RAI1: variants seen among roughly 807,000 people sequenced by gnomAD.
The protein encoded by RAI1 is retinoic acid induced 1.
In RAI1, 9 loss-of-function variants were observed where a neutral mutation model predicts 123.8. That is an observed-to-expected ratio of 0.07 (90% CI 0.04 to 0.13). The LOEUF is 0.13. RAI1 is among the 10% of genes least tolerant of loss of function. RAI1 has a pLI of 1.00. For missense variants in RAI1, 2,256 were observed against 2,545.8 expected (o/e 0.89, Z 2.45); for synonymous variants, 1,231 against 1,127.3 (o/e 1.09, Z -1.84).
chr17:17,757,782 GGAGA>G (rs2030504357), intron 2 of RAI1, among the ~76,000 whole-genome samples: 1 of 152,238 alleles, frequency 6.6e-6, no homozygotes, highest in South Asian at 2.1e-4. Context: ...CACGCTAAAA[GGAGA>G]AGCAGTAATC....
chr17:17,784,182 G>T (rs1180890723), intron 2 of RAI1, among the ~76,000 whole-genome samples: 2 of 152,176 alleles, frequency 1.3e-5, no homozygotes, highest in African/African-American at 2.4e-5. Context: ...CCTGGGGACT[G>T]GGGGGAGGGA....
At chr17:17,691,206 G>A (rs1194775605) in intron 1 of RAI1, among the ~76,000 whole-genome samples, 1 of 152,142 alleles carries the variant, frequency 6.6e-6, no homozygotes, top group Admixed American at 6.6e-5. Flanking sequence ...GACATTTTTG[G>A]TTGTCTCAGC....
chr17:17,780,849 C>T (rs1354362635), intron 2 of RAI1, among the ~76,000 whole-genome samples: 1 of 152,204 alleles, frequency 6.6e-6, no homozygotes, highest in Non-Finnish European at 1.5e-5. Flanking sequence ...CTAGGCTCTG[C>T]ATTTGCTTAG....
intron 2 of RAI1, among the ~76,000 whole-genome samples, chr17:17,726,269 G>A (rs930175662): frequency 6.6e-6 from 1 of 152,226 alleles, no homozygotes; most frequent in African/African-American, 2.4e-5. Flanking sequence ...AGACTCCTGA[G>A]CAAGGCTTTG....
chr17:17,761,653 G>A (rs1235587098), intron 2 of RAI1, among the ~76,000 whole-genome samples: 2 of 152,196 alleles, frequency 1.3e-5, no homozygotes, highest in Non-Finnish European at 2.9e-5. Context: ...GGAAAGGTTG[G>A]GAGGCACAAA....
At chr17:17,790,954 G>C (rs753132839) in intron 2 of RAI1, among the ~76,000 whole-genome samples, 1 of 152,232 alleles carries the variant, frequency 6.6e-6, no homozygotes, top group Non-Finnish European at 1.5e-5. Context: ...GGGTTGGCGC[G>C]TCGCAGCAGG....
chr17:17,790,615 T>C (rs943052207), intron 2 of RAI1, among the ~76,000 whole-genome samples: 7 of 151,594 alleles, frequency 4.6e-5, no homozygotes, highest in African/African-American at 1.7e-4. Context: ...TTTTGGAGAA[T>C]GTGAAAAAAA....
intron 2 of RAI1, among the ~76,000 whole-genome samples, chr17:17,761,485 G>C (rs958701186): frequency 2.6e-5 from 4 of 152,216 alleles, no homozygotes; most frequent in Non-Finnish European, 5.9e-5. Context: ...TGTGGATCCT[G>C]ACCTGTGGAG....
intron 2 of RAI1, among the ~76,000 whole-genome samples, chr17:17,739,803 G>C (rs1328971840): frequency 6.6e-6 from 1 of 152,234 alleles, no homozygotes; most frequent in Non-Finnish European, 1.5e-5. Flanking sequence ...GGAGCAGTGG[G>C]AACTACCCGG....
At chr17:17,730,534 G>A (rs1916236309) in intron 2 of RAI1, among the ~76,000 whole-genome samples, 1 of 152,232 alleles carries the variant, frequency 6.6e-6, no homozygotes, top group Admixed American at 6.5e-5. Flanking sequence ...ACACTTCCTG[G>A]TCTGTATATG....
At chr17:17,696,654 C>A (rs537574396) in intron 1 of RAI1, among the ~76,000 whole-genome samples, 2 of 152,346 alleles carry the variant, frequency 1.3e-5, no homozygotes, top group South Asian at 4.1e-4. Context: ...AGCCCTTCTC[C>A]ATTGCCAGTA....
chr17:17,783,796 G>C (rs1156456442), intron 2 of RAI1, among the ~76,000 whole-genome samples: 1 of 151,998 alleles, frequency 6.6e-6, no homozygotes, highest in East Asian at 1.9e-4. Flanking sequence ...GGGGCGGAAA[G>C]GGTTAATGGC....
intron 2 of RAI1, among the ~76,000 whole-genome samples, chr17:17,773,059 G>T (rs2031216677): frequency 7.3e-6 from 1 of 136,568 alleles, no homozygotes; most frequent in African/African-American, 2.8e-5. Context: ...ATAGACTGAT[G>T]GGTGGGTGGG....
intron 4 of RAI1, among the ~76,000 whole-genome samples, chr17:17,808,985 G>T (rs1029465462): frequency 6.6e-6 from 1 of 152,152 alleles, no homozygotes; most frequent in African/African-American, 2.4e-5. Context: ...GGTGCCCTCT[G>T]GGAGCTTGCC....
In RAI1 at chr17:17,795,710, C is replaced by T; in HGVS notation, c.2762C>T (p.Ser921Leu). 1.2e-6 allele frequency: 2 copies of T among 1,613,342 alleles called. No individual in the cohort carries two copies. The highest frequency in any genetic ancestry group is 1.7e-6 in the Non-Finnish European group (2 of 1,180,014). ...GGCTGGGGCTCTCCGTGCCACCTCT[C>T]AGGGGAGTCCGTCATCCTGCTGGGC... is the stretch of plus-strand genomic sequence containing the variant. ...KAGWGSPCHL[S>L]GESVILLGPT... Residue 921 changes from serine (S) to leucine (L), a missense_variant, in exon 3 of 6, where the codon TCA becomes TTA. This residue lies in a region of RAI1 where 566 missense variants were observed against 616.0 expected (regional missense o/e 0.92). Transcript: ENST00000353383. The surrounding 1 kb of genome is among the most constrained non-coding windows in gnomAD (Gnocchi z 5.9).
intron 2 of RAI1, among the ~76,000 whole-genome samples, chr17:17,730,929 C>T (rs1028689788): frequency 2.0e-5 from 3 of 152,234 alleles, no homozygotes; most frequent in Non-Finnish European, 4.4e-5. Context: ...CGGGCCCACT[C>T]GCAGCCTGGG....
intron 2 of RAI1, among the ~76,000 whole-genome samples, chr17:17,785,987 T>A (rs570413531): frequency 1.3e-5 from 2 of 152,368 alleles, no homozygotes; most frequent in South Asian, 4.1e-4. Context: ...TTTTCTTAAA[T>A]GAGAGCTGTC....
At chr17:17,708,846 A>G (rs962272820) in intron 1 of RAI1, among the ~76,000 whole-genome samples, 1 of 152,236 alleles carries the variant, frequency 6.6e-6, no homozygotes, top group African/African-American at 2.4e-5. Context: ...CAAATGCTGC[A>G]GTTCATCCGG....
chr17:17,720,885 C>T (rs556286866), intron 1 of RAI1, among the ~76,000 whole-genome samples: 24 of 152,260 alleles, frequency 1.6e-4, no homozygotes, highest in Non-Finnish European at 2.6e-4. Context: ...AAGATCCCTC[C>T]GTACCACTGC....
Sources: allele counts gnomAD v4.1 joint callset (sites outside exome capture counted in the v4.1 genomes callset), GRCh38; gene constraint gnomAD v4.1.1; regional missense constraint gnomAD v4.1.1; non-coding constraint Gnocchi (gnomAD v3.1); transcripts MANE v1.5; gene names NCBI Gene and HGNC (gene_info 2026-07-23, HGNC 2026-07-21).